The following FBXO16 variants were observed in gnomAD, a reference collection of about 807,000 sequenced individuals.
The protein encoded by FBXO16 is F-box only protein 16.
FBXO16 carries 31 observed loss-of-function variants against 41.0 expected under a neutral mutation model. The observed-to-expected ratio is 0.76, with a 90% CI of 0.57 to 1.02. FBXO16 has a LOEUF of 1.02. Among genes scored for constraint, FBXO16 ranks in the 50% least tolerant of loss-of-function variants. The pLI is 0.00. For synonymous variants in FBXO16, 133 were observed against 117.8 expected (o/e 1.13, Z -0.84); for missense variants, 361 against 346.2 (o/e 1.04, Z -0.34).
chr8:28,462,708 T>A (rs564144354), intron 4 of FBXO16, among the ~76,000 whole-genome samples: 1 of 152,366 alleles, frequency 6.6e-6, no homozygotes, highest in South Asian at 2.1e-4. Context: ...CAGTTTTATA[T>A]CTAAAATAAT....
chr8:28,465,997 T>A (rs1205487204), intron 3 of FBXO16, among the ~76,000 whole-genome samples: 1 of 152,108 alleles, frequency 6.6e-6, no homozygotes, highest in East Asian at 1.9e-4. Flanking sequence ...GGCTCATGCC[T>A]GGGAGGCCGA....
Position 28,483,414 on chromosome 8 carries a change from A to T in FBXO16, c.33T>A (p.Asp11Glu). ...TCATCTTTGTCTGCATTTTGGGACC[A>T]TCTGTGTTTTTTGGAGGTGCAAATG... is the stretch of plus-strand genomic sequence containing the variant. MMAFAPPKNT[D>E]GPKMQTKMST... The change falls in exon 2 of 9, where the codon GAT becomes GAA. Residue 11 changes from aspartate (D) to glutamate (E), a missense_variant. Physicochemically the swap from Asp to Glu is conservative, Grantham distance 45 (BLOSUM62 2). Transcript: ENST00000380254. 1 of 1,614,164 alleles carries T rather than the reference A, an allele frequency of 6.2e-7. No individual in the cohort carries two copies. Among genetic ancestry groups the T allele is most frequent in the Non-Finnish European group, 8.5e-7 (1 of 1,180,024 alleles).
At chr8:28,428,934 C>T (rs535510010) in intron 8 of FBXO16, among the ~76,000 whole-genome samples, 198 bp from the exon 9 acceptor site, 88 of 152,252 alleles carry the variant, frequency 5.8e-4, no homozygotes, top group Non-Finnish European at 1.1e-3. Flanking sequence ...CGGTCTTTAG[C>T]GTCCAAAGTG....
intron 3 of FBXO16, among the ~76,000 whole-genome samples, chr8:28,466,603 G>A (rs1008434669): frequency 3.2e-4 from 48 of 150,052 alleles, no homozygotes; most frequent in Admixed American, 2.0e-3. Flanking sequence ...CATCCTGGCT[G>A]ACACGGTGAA....
Position 28,447,511 on chromosome 8 carries a change from TGGAA to T in FBXO16, c.741-242_741-239del, listed in dbSNP as rs1356615487. The stretch of plus-strand genomic sequence containing the variant: ...AGCAGGATGTTTCTATATTCAACTG[TGGAA>T]GGATCTCCAGGATATACTGTTACAT... On this transcript the variant is annotated intron_variant, in intron 6 of 8. Coordinates refer to ENST00000380254, the MANE Select transcript of FBXO16 (RefSeq NM_172366.4). 7 of 463,770 alleles carry T rather than the reference TGGAA, an allele frequency of 1.5e-5. No homozygotes were observed. In the East Asian group the frequency reaches 2.8e-4, roughly 19 times the overall value. 28.7% of individuals were successfully genotyped at this position (463,770 alleles called of 1,614,324 possible).
intron 8 of FBXO16, 51 bp from the exon 9 acceptor site, chr8:28,428,787 G>C: frequency 6.9e-7 from 1 of 1,451,360 alleles, no homozygotes; most frequent in South Asian, 1.5e-5. Flanking sequence ...AATACCAAGG[G>C]AGCTATCTAG....
At chr8:28,441,234 C>G (rs1423534933) in intron 7 of FBXO16, among the ~76,000 whole-genome samples, 1 of 152,142 alleles carries the variant, frequency 6.6e-6, no homozygotes, top group Non-Finnish European at 1.5e-5. Context: ...ACTCCCTCTC[C>G]TCCTCCACCT....
At chr8:28,443,366 C>T (rs1000883548) in intron 7 of FBXO16, among the ~76,000 whole-genome samples, 2 of 152,048 alleles carry the variant, frequency 1.3e-5, no homozygotes, top group Admixed American at 1.3e-4. Flanking sequence ...TCTCTTCCTG[C>T]CCTCTCCATT....
chr8:28,463,676 G>C lies in FBXO16; in HGVS notation c.278C>G (p.Pro93Arg). The C allele has an allele frequency of 6.2e-7, 1 of 1,614,200 alleles. No homozygotes were observed. ...AEALDFTTKLPRVLSLYIFSF... is the reference protein window; with the variant it reads ...AEALDFTTKLRRVLSLYIFSF... ...AAAGATGTATAAAGATAACACCCTT[G>C]GAAGCTTGGTTGTAAAGTCCAGGGC... The change falls in exon 4 of 9, where the codon CCA (proline) becomes CGA (arginine). Residue 93 changes from proline to arginine, a missense_variant. Transcript: ENST00000380254.
chr8:28,486,653 T>G lies in FBXO16; in HGVS notation c.-16-3191A>C, dbSNP rs1388087922. Among the ~76,000 whole-genome samples, 5 of 151,966 alleles carry G rather than the reference T, an allele frequency of 3.3e-5. No homozygotes were observed. In the East Asian group the frequency reaches 7.7e-4, roughly 24 times the overall value. On this transcript the variant is annotated intron_variant, in intron 1 of 8. Coordinates refer to ENST00000380254, the MANE Select transcript of FBXO16 (RefSeq NM_172366.4). ...CTGGGCAACATCGAGAGACCTTATCTCTACACAAAGTAAAAAAACCAAAAA... is the reference window on the plus strand; with the variant it reads ...CTGGGCAACATCGAGAGACCTTATCGCTACACAAAGTAAAAAAACCAAAAA...
At chr8:28,440,962 C>T (rs1484819632) in intron 7 of FBXO16, among the ~76,000 whole-genome samples, 2 of 152,172 alleles carry the variant, frequency 1.3e-5, no homozygotes, top group Non-Finnish European at 2.9e-5. Context: ...AATTCCAGGG[C>T]CTCGGAAGTT....
chr8:28,477,665 G>T (rs1209595226), intron 2 of FBXO16, among the ~76,000 whole-genome samples: 2 of 152,090 alleles, frequency 1.3e-5, no homozygotes, highest in Non-Finnish European at 2.9e-5. Flanking sequence ...GAAAATGAAA[G>T]CTCTCTCTTC....
At chr8:28,469,736 A>G (rs1377472418) in intron 3 of FBXO16, among the ~76,000 whole-genome samples, 1 of 151,604 alleles carries the variant, frequency 6.6e-6, no homozygotes, top group Non-Finnish European at 1.5e-5. Context: ...CTCTGTCTCT[A>G]CTAAAAATAC....
At chr8:28,440,865 T>C (rs1260765243) in intron 7 of FBXO16, among the ~76,000 whole-genome samples, 1 of 152,134 alleles carries the variant, frequency 6.6e-6, no homozygotes, top group Non-Finnish European at 1.5e-5. Flanking sequence ...AAAAGTTCAG[T>C]GCTAGACAAA....
At chr8:28,470,022 C>T (rs1477226051) in intron 3 of FBXO16, among the ~76,000 whole-genome samples, 1 of 150,838 alleles carries the variant, frequency 6.6e-6, no homozygotes, top group East Asian at 2.0e-4. Flanking sequence ...GAAACCCCGT[C>T]TCTACTAAAA....
In FBXO16 at chr8:28,452,472, G is replaced by T; in HGVS notation, c.512C>A (p.Pro171His). 1 of 1,613,598 alleles carries T rather than the reference G, an allele frequency of 6.2e-7. No individual in the cohort carries two copies. Among genetic ancestry groups the T allele is most frequent in the Non-Finnish European group, 8.5e-7 (1 of 1,179,926 alleles). The change falls in exon 6 of 9, where the codon CCC (proline) becomes CAC (histidine). Residue 171 changes from proline to histidine, a missense_variant. Physicochemically the swap from Pro to His is moderately conservative, Grantham distance 77. Transcript: ENST00000380254. ...KELHITKPKT[P>H]PKDGFVIADV... ...AGCGATTACAAATCCATCCTTTGGG[G>T]GTGTCTAGAAGAAGAAAGTTAATTA... is the stretch of plus-strand genomic sequence containing the variant.
intron 1 of FBXO16, among the ~76,000 whole-genome samples, chr8:28,485,835 T>C (rs1803592682): frequency 6.6e-6 from 1 of 152,178 alleles, no homozygotes; most frequent in Admixed American, 6.5e-5. Flanking sequence ...CAGGCCGGCA[T>C]GGTGCCTCAC....
intron 7 of FBXO16, among the ~76,000 whole-genome samples, chr8:28,432,324 A>G (rs1045534981): frequency 2.6e-5 from 4 of 151,838 alleles, no homozygotes; most frequent in Non-Finnish European, 4.4e-5. Flanking sequence ...AAATACAAAA[A>G]TTAGCGGGGC....
intron 2 of FBXO16, among the ~76,000 whole-genome samples, chr8:28,481,978 C>T (rs963569443): frequency 3.3e-5 from 5 of 152,130 alleles, no homozygotes; most frequent in Non-Finnish European, 7.3e-5. Flanking sequence ...ATGCCCTGGG[C>T]TCACTGTTCC....
Sources: allele counts gnomAD v4.1 joint callset (sites outside exome capture counted in the v4.1 genomes callset), GRCh38; gene constraint gnomAD v4.1.1; transcripts MANE v1.5; gene names NCBI Gene and HGNC (gene_info 2026-07-23, HGNC 2026-07-21).